The following ADAMTS18 variants were observed in gnomAD, a reference collection of about 807,000 sequenced individuals.
The protein encoded by ADAMTS18 is ADAM metallopeptidase with thrombospondin type 1 motif 18.
ADAMTS18 carries 157 observed loss-of-function variants against 165.9 expected under a neutral mutation model. The observed-to-expected ratio is 0.95, with a 90% CI of 0.83 to 1.08. ADAMTS18 has a LOEUF of 1.08. Among genes scored for constraint, ADAMTS18 ranks in the 50% least tolerant of loss-of-function variants. The pLI is 0.00. For missense variants in ADAMTS18, 2,040 were observed against 1,534.0 expected, an observed-to-expected ratio of 1.33 and a Z score of -5.51; for synonymous variants, 782 against 578.2, an observed-to-expected ratio of 1.35 and a Z score of -5.06.
Position 77,335,778 on chromosome 16 carries a change from C to T in ADAMTS18, c.1837G>A (p.Glu613Lys). 6.2e-6 allele frequency: 10 copies of T among 1,614,218 alleles called. No individual in the cohort carries two copies. The highest frequency in any genetic ancestry group is 7.6e-6 in the Non-Finnish European group (9 of 1,180,040). Residue 613 changes from glutamate to lysine, a missense_variant, in exon 12 of 23, where the codon GAG becomes AAG. Coordinates refer to ENST00000282849, the MANE Select transcript of ADAMTS18 (RefSeq NM_199355.4). Reference sequence around the variant, plus strand: ...TACTTGGGGTTATTGCAGTGTCTCTCCTGGAACTTGACTCCTCCACCACAT... The same window carrying T: ...TACTTGGGGTTATTGCAGTGTCTCTTCTGGAACTTGACTCCTCCACCACAT... ...RTCGGGVKFQ[E>K]RHCNNPKPQY...
intron 3 of ADAMTS18, 38 bp downstream of exon 3, chr16:77,431,257 C>T (rs201612029): frequency 3.1e-5 from 50 of 1,611,160 alleles, no homozygotes; most frequent in South Asian, 7.7e-5. Flanking sequence ...ACACAAAACA[C>T]GAAAGAGGGA....
intron 16 of ADAMTS18, among the ~76,000 whole-genome samples, chr16:77,306,206 C>G (rs565602771): frequency 1.7e-4 from 26 of 152,192 alleles, no homozygotes; most frequent in Non-Finnish European, 2.9e-4. Context: ...GGCAAGCAAC[C>G]TCCTTAAATG....
rs566274148 is a variant in ADAMTS18, at chr16:77,434,324, G to A, written c.178+94C>T. 139 of 1,395,614 alleles carry A rather than the reference G, an allele frequency of 1.0e-4. No homozygotes were observed. The Admixed American group carries it at 1.5e-3, about 15-fold the overall frequency. 86.5% of individuals were successfully genotyped at this position (1,395,614 alleles called of 1,614,324 possible). Reference sequence around the variant, plus strand: ...AAGACAGCGCACACCTGCCAGGTTAGGGGGTGCGCTTTTCCATCTTTTCTC... The same window carrying A: ...AAGACAGCGCACACCTGCCAGGTTAAGGGGTGCGCTTTTCCATCTTTTCTC... On this transcript the variant is annotated intron_variant, in intron 2 of 22. Coordinates refer to ENST00000282849, the MANE Select transcript of ADAMTS18 (RefSeq NM_199355.4).
chr16:77,364,045 C>T (rs1281204519), intron 5 of ADAMTS18, 143 bp downstream of exon 5: 22 of 1,282,668 alleles, frequency 1.7e-5, no homozygotes, highest in Non-Finnish European at 2.5e-5. Flanking sequence ...AATAAAACCA[C>T]ATATGTAGCT....
chr16:77,369,446 G>C (rs376627838), intron 3 of ADAMTS18, among the ~76,000 whole-genome samples: 3 of 152,050 alleles, frequency 2.0e-5, no homozygotes, highest in East Asian at 3.9e-4. Flanking sequence ...TTATTTTTGG[G>C]ATCTAATTTT....
At chr16:77,408,966 C>T (rs12923831) in intron 3 of ADAMTS18, among the ~76,000 whole-genome samples, 27,416 of 152,062 alleles carry the variant, frequency 0.18, 3,200 homozygotes, top group Non-Finnish European at 0.27. Flanking sequence ...GTATATGTTA[C>T]ACTTGTTCTA....
Position 77,314,313 on chromosome 16 carries a change from T to C in ADAMTS18, c.2532+5536A>G, listed in dbSNP as rs570154399. 3.9e-5 allele frequency among the ~76,000 whole-genome samples: 6 copies of C among 152,208 alleles called. No individual in the cohort carries two copies. The East Asian group carries it at 1.2e-3, about 29-fold the overall frequency. On this transcript the variant is annotated intron_variant, in intron 16 of 22. Coordinates refer to ENST00000282849, the MANE Select transcript of ADAMTS18 (RefSeq NM_199355.4). The stretch of plus-strand genomic sequence containing the variant: ...TTAAAGCTTTAATCTATTTTCTCCA[T>C]TTTAATATTATACATGGCTGGGCGT...
intron 3 of ADAMTS18, among the ~76,000 whole-genome samples, chr16:77,398,639 G>T (rs1333162122): frequency 6.6e-6 from 1 of 152,128 alleles, no homozygotes; most frequent in African/African-American, 2.4e-5. Context: ...TGCTGTTGGG[G>T]GTTGGGGGCT....
intron 3 of ADAMTS18, among the ~76,000 whole-genome samples, chr16:77,396,801 CT>C (rs59065639): frequency 0.028 from 4,033 of 142,434 alleles, 155 homozygotes; most frequent in African/African-American, 0.09. Flanking sequence ...TCTTCATTGC[CT>C]TTTTTTTTTT....
At chr16:77,376,241 G>C (rs2056950756) in intron 3 of ADAMTS18, among the ~76,000 whole-genome samples, 1 of 152,154 alleles carries the variant, frequency 6.6e-6, no homozygotes, top group Admixed American at 6.6e-5. Flanking sequence ...AAGGAAGAGA[G>C]AGTGAAGGGG....
intron 18 of ADAMTS18, 103 bp downstream of exon 18, chr16:77,297,186 A>G (rs1305014701): frequency 1.3e-6 from 2 of 1,500,936 alleles, no homozygotes; most frequent in African/African-American, 2.8e-5. Flanking sequence ...CCTTTGAATC[A>G]CTTTCCATTA....
intron 16 of ADAMTS18, among the ~76,000 whole-genome samples, chr16:77,314,855 T>C (rs1304555373): frequency 7.1e-6 from 1 of 141,538 alleles, no homozygotes; most frequent in African/African-American, 2.6e-5. Flanking sequence ...CTAAGTATTT[T>C]GTAGGCACTG....
chr16:77,292,275 C>G (rs1375133234), intron 20 of ADAMTS18, among the ~76,000 whole-genome samples: 1 of 152,170 alleles, frequency 6.6e-6, no homozygotes, highest in Non-Finnish European at 1.5e-5. Flanking sequence ...TCTAGGACAA[C>G]AGAGCAAGAC....
intron 21 of ADAMTS18, 138 bp downstream of exon 21, chr16:77,291,128 C>G: frequency 2.2e-6 from 2 of 928,704 alleles, no homozygotes; most frequent in South Asian, 2.9e-5. Flanking sequence ...GAACAAAACC[C>G]ATTCTGCCTT....
chr16:77,308,379 C>G (rs1044712447), intron 16 of ADAMTS18, among the ~76,000 whole-genome samples: 22 of 152,012 alleles, frequency 1.4e-4, no homozygotes, highest in African/African-American at 5.3e-4. Context: ...AACTGCATGA[C>G]AGCTTGATAG....
intron 10 of ADAMTS18, among the ~76,000 whole-genome samples, chr16:77,352,659 G>C (rs1055236452): frequency 2.6e-5 from 4 of 152,072 alleles, no homozygotes; most frequent in Admixed American, 1.3e-4. Flanking sequence ...TGGCAGAGAA[G>C]GAGGAATAGG....
chr16:77,419,066 T>G (rs957087567), intron 3 of ADAMTS18, among the ~76,000 whole-genome samples: 1 of 152,172 alleles, frequency 6.6e-6, no homozygotes, highest in African/African-American at 2.4e-5. Context: ...GGAGAAATGC[T>G]TGAATCCAGG....
intron 11 of ADAMTS18, among the ~76,000 whole-genome samples, chr16:77,336,195 T>C (rs1330365798): frequency 6.6e-6 from 1 of 152,264 alleles, no homozygotes; most frequent in South Asian, 2.1e-4. Context: ...AGATTCCACC[T>C]AACAGCCAAG....
In ADAMTS18 at chr16:77,289,399, A is replaced by T; in HGVS notation, c.3415T>A (p.Cys1139Ser). 1 of 1,614,088 alleles carries T rather than the reference A, an allele frequency of 6.2e-7. No homozygotes were observed. Among genetic ancestry groups the T allele is most frequent in the Non-Finnish European group, 8.5e-7 (1 of 1,179,988 alleles). The change falls in exon 22 of 23, where the codon TGT becomes AGT. Residue 1139 changes from cysteine to serine, a missense_variant. Transcript: ENST00000282849. ...GACCGGGTCTGGACCCCTCCCCCAC[A>T]GGTGACTGTGCACTGCAGCAGAGAG... ...SLPWQQCTVT[C>S]GGGVQTRSVH...
Sources: gnomAD v4.1 joint callset for allele counts (sites outside exome capture counted in the v4.1 genomes callset) on GRCh38, gnomAD v4.1.1 for gene constraint, MANE v1.5 for transcripts, NCBI Gene and HGNC (gene_info 2026-07-23, HGNC 2026-07-21) for gene names.